ZMYM2: variants seen among roughly 807,000 people sequenced by gnomAD.
ZMYM2 encodes zinc finger MYM-type protein 2.
Under a neutral mutation model 162.8 loss-of-function variants are expected in ZMYM2, and 56 were observed. The observed-to-expected ratio is 0.34, with a 90% CI of 0.28 to 0.43. The LOEUF (loss-of-function observed/expected upper bound fraction) is 0.43, where lower values mean the gene tolerates loss of function less well. Among genes scored for constraint, ZMYM2 ranks in the 20% least tolerant of loss-of-function variants. The probability of loss-of-function intolerance (pLI) is 1.00; values close to 1 mark genes in which losing one functional copy is unlikely to be tolerated. For synonymous variants in ZMYM2, 510 were observed against 541.6 expected (o/e 0.94, Z 0.81); for missense variants, 1,275 against 1,621.8 (o/e 0.79, Z 3.67).
the ZMYM2 span, among the ~76,000 whole-genome samples, chr13:19,917,576 G>C: frequency 7.1e-6 from 1 of 140,838 alleles, no homozygotes; most frequent in South Asian, 2.4e-4. Flanking sequence ...AGCAACAAGA[G>C]CGAAACTCCA....
chr13:19,970,779 C>T (rs955044732), intron 2 of ZMYM2, among the ~76,000 whole-genome samples: 3 of 152,062 alleles, frequency 2.0e-5, no homozygotes, highest in African/African-American at 7.2e-5. Flanking sequence ...TTACAGATTA[C>T]AAATCAACAA....
At chr13:19,970,225 G>A (rs149944462) in intron 2 of ZMYM2, among the ~76,000 whole-genome samples, 14 of 152,208 alleles carry the variant, frequency 9.2e-5, no homozygotes, top group Admixed American at 3.3e-4. Context: ...CCAAATTAAC[G>A]TGTGTAGTTG....
chr13:19,924,683 T>G, the ZMYM2 span, among the ~76,000 whole-genome samples: 1 of 152,166 alleles, frequency 6.6e-6, no homozygotes, highest in African/African-American at 2.4e-5. Context: ...TGTACATATA[T>G]CCTACATTTT....
chr13:20,010,252 G>C (rs1951064788), intron 6 of ZMYM2, among the ~76,000 whole-genome samples: 1 of 152,098 alleles, frequency 6.6e-6, no homozygotes, highest in East Asian at 1.9e-4. Flanking sequence ...TTGGAGTGCA[G>C]GTGCACAATC....
intron 7 of ZMYM2, among the ~76,000 whole-genome samples, chr13:20,022,694 A>G (rs577774979): frequency 1.4e-4 from 22 of 152,348 alleles, no homozygotes; most frequent in Admixed American, 1.0e-3. Context: ...ATCTTGCAAT[A>G]TGAAGAGATG....
intron 7 of ZMYM2, among the ~76,000 whole-genome samples, chr13:20,023,940 CTTTT>C (rs536997476): frequency 7.0e-6 from 1 of 143,558 alleles, no homozygotes; most frequent in African/African-American, 2.6e-5. Context: ...TTTTCTTCTT[CTTTT>C]TTTTTTTTTG....
At chr13:19,924,362 G>A in the ZMYM2 span, among the ~76,000 whole-genome samples, 2 of 152,048 alleles carry the variant, frequency 1.3e-5, no homozygotes, top group African/African-American at 4.8e-5. Context: ...CCAGGAGTTC[G>A]ACACCACTGT....
chr13:19,961,647 G>A (rs1167806724), intron 2 of ZMYM2, among the ~76,000 whole-genome samples: 1 of 152,068 alleles, frequency 6.6e-6, no homozygotes, highest in Non-Finnish European at 1.5e-5. Context: ...TGGAGATGAG[G>A]AACATAAAAA....
intron 6 of ZMYM2, among the ~76,000 whole-genome samples, chr13:20,007,628 T>G (rs1227552979): frequency 6.6e-5 from 10 of 151,406 alleles, no homozygotes; most frequent in African/African-American, 2.2e-4. Flanking sequence ...TAGTTTTTTT[T>G]TTTTTTTTTT....
intron 6 of ZMYM2, among the ~76,000 whole-genome samples, chr13:20,007,159 G>A (rs937850667): frequency 9.2e-5 from 14 of 151,908 alleles, no homozygotes; most frequent in African/African-American, 2.7e-4. Flanking sequence ...TTTTGAGACG[G>A]AGTTTTGCTC....
the ZMYM2 span, chr13:19,864,313 G>A: frequency 1.3e-5 from 2 of 155,092 alleles, no homozygotes; most frequent in Non-Finnish European, 2.9e-5. Flanking sequence ...GCAGCAGGAG[G>A]AGACGACGTC....
At chr13:19,987,619 T>TTGTGTGTG (rs1949274409) in intron 2 of ZMYM2, among the ~76,000 whole-genome samples, 1 of 53,264 alleles carries the variant, frequency 1.9e-5, no homozygotes, top group Non-Finnish European at 3.6e-5. Context: ...TGGGGTTTTG[T>TTGTGTGTG]CGTGTGTGTG....
chr13:20,009,784 T>C (rs1951027080), intron 6 of ZMYM2, among the ~76,000 whole-genome samples: 1 of 152,248 alleles, frequency 6.6e-6, no homozygotes, highest in East Asian at 1.9e-4. Flanking sequence ...ATTATATGTA[T>C]ATGCCACATT....
At chr13:19,917,612 A>AG in the ZMYM2 span, among the ~76,000 whole-genome samples, 6 of 151,342 alleles carry the variant, frequency 4.0e-5, no homozygotes, top group Non-Finnish European at 7.4e-5. Flanking sequence ...AAAAAAAAAA[A>AG]AAGAAGTTAG....
upstream of ZMYM2, among the ~76,000 whole-genome samples, chr13:19,955,192 T>C (rs1365585644): frequency 2.0e-5 from 3 of 151,948 alleles, no homozygotes; most frequent in Non-Finnish European, 4.4e-5. Context: ...AGCATAGTAT[T>C]GGTGGTAGAG....
intron 21 of ZMYM2, chr13:20,071,860 T>C (rs974185030): frequency 5.4e-6 from 1 of 186,388 alleles, no homozygotes; most frequent in Non-Finnish European, 1.2e-5. Context: ...CTGGATCCAG[T>C]GCAGGGTTGC....
At chr13:20,003,510 T>G (rs1027275709) in intron 4 of ZMYM2, among the ~76,000 whole-genome samples, 1 of 152,226 alleles carries the variant, frequency 6.6e-6, no homozygotes, top group African/African-American at 2.4e-5. Flanking sequence ...TCTTTGGATT[T>G]TATATGTGTT....
intron 1 of ZMYM2, among the ~76,000 whole-genome samples, chr13:19,959,229 G>A (rs1954887833): frequency 6.7e-6 from 1 of 149,968 alleles, no homozygotes; most frequent in Admixed American, 6.6e-5. Context: ...CGGGGAGGTC[G>A]CGGGGCATTT....
chr13:19,982,348 C>T (rs936475996), intron 2 of ZMYM2, among the ~76,000 whole-genome samples: 4 of 122,990 alleles, frequency 3.3e-5, no homozygotes, highest in African/African-American at 9.0e-5. Context: ...AGTGCAGTGG[C>T]CTGATCTTGG....
Sources: gnomAD v4.1 joint callset for allele counts (sites outside exome capture counted in the v4.1 genomes callset) on GRCh38, gnomAD v4.1.1 for gene constraint, MANE v1.5 for transcripts, NCBI Gene and HGNC (gene_info 2026-07-23, HGNC 2026-07-21) for gene names.